The following ELAVL4 variants were observed in gnomAD, a reference collection of about 807,000 sequenced individuals.
The protein encoded by ELAVL4 is ELAV like RNA binding protein 4.
ELAVL4 carries 1 observed loss-of-function variant against 35.6 expected under a neutral mutation model. The observed-to-expected ratio is 0.03, with a 90% CI of 0.01 to 0.13. The LOEUF (loss-of-function observed/expected upper bound fraction) is 0.13. ELAVL4 is among the 10% of genes least tolerant of loss of function. ELAVL4 has a pLI of 1.00. For missense variants in ELAVL4, 267 were observed against 464.9 expected (o/e 0.57, Z 3.91); for synonymous variants, 156 against 171.0 (o/e 0.91, Z 0.69).
intron 3 of ELAVL4, among the ~76,000 whole-genome samples, chr1:50,183,362 T>A (rs1389617337): frequency 6.6e-6 from 1 of 151,974 alleles, no homozygotes; most frequent in East Asian, 1.9e-4. Flanking sequence ...TCTGAGCAAA[T>A]CTATGAGAGT....
chr1:50,148,470 T>G (rs1674139871), intron 2 of ELAVL4, among the ~76,000 whole-genome samples: 1 of 152,200 alleles, frequency 6.6e-6, no homozygotes, highest in Admixed American at 6.5e-5. Flanking sequence ...AGAACCAAAT[T>G]TACTGAAAAT....
At chr1:50,143,527 C>T (rs142267596) in intron 1 of ELAVL4, among the ~76,000 whole-genome samples, 5 of 152,244 alleles carry the variant, frequency 3.3e-5, no homozygotes, top group East Asian at 3.9e-4. Context: ...ATCACTGGAT[C>T]GGTTCTTACC....
At chr1:50,173,186 G>A (rs535672437) in intron 2 of ELAVL4, among the ~76,000 whole-genome samples, 2 of 152,186 alleles carry the variant, frequency 1.3e-5, no homozygotes, top group African/African-American at 2.4e-5. Context: ...ATGGGAAGAT[G>A]TGTTTTGTTT....
chr1:50,112,462 G>T (rs1667231153), intron 1 of ELAVL4, among the ~76,000 whole-genome samples: 2 of 152,062 alleles, frequency 1.3e-5, no homozygotes, highest in South Asian at 2.1e-4. Context: ...TCTTATGGAA[G>T]CACAAGGCTG....
intron 1 of ELAVL4, among the ~76,000 whole-genome samples, chr1:50,081,222 A>T (rs1418169618): frequency 6.6e-6 from 1 of 152,160 alleles, no homozygotes; most frequent in East Asian, 1.9e-4. Flanking sequence ...ATATGCATAT[A>T]ATTACATATT....
At chr1:50,116,898 C>T (rs1668049186) in intron 1 of ELAVL4, among the ~76,000 whole-genome samples, 1 of 152,092 alleles carries the variant, frequency 6.6e-6, no homozygotes, top group Non-Finnish European at 1.5e-5. Context: ...TCTGTTGATG[C>T]ACTGGGTACA....
At chr1:50,067,525 A>G (rs1330907135) in intron 1 of ELAVL4, among the ~76,000 whole-genome samples, 1 of 152,210 alleles carries the variant, frequency 6.6e-6, no homozygotes, top group African/African-American at 2.4e-5. Context: ...CCAAGTTGAA[A>G]GGGACAGATG....
At chr1:50,146,713 A>G (rs1043450074) in intron 2 of ELAVL4, among the ~76,000 whole-genome samples, 5 of 152,202 alleles carry the variant, frequency 3.3e-5, no homozygotes, top group African/African-American at 9.6e-5. Flanking sequence ...TAATAGGATG[A>G]TAATTCAAAC....
Position 50,182,970 on chromosome 1 carries a change from G to T in ELAVL4, c.354+5778G>T, listed in dbSNP as rs894993526. Among the ~76,000 whole-genome samples, 4 of 151,272 alleles carry T rather than the reference G, an allele frequency of 2.6e-5. No homozygotes were observed. In the East Asian group the frequency reaches 7.8e-4, roughly 30 times the overall value. On this transcript the variant is annotated intron_variant, in intron 3 of 6. Coordinates refer to ENST00000371824, the MANE Select transcript of ELAVL4 (RefSeq NM_001144774.3). ...CCTCCCGGGATCAAGCAATTCTCCT[G>T]CCTCAGCCTCCCGAGTAGCTGGGAT...
intron 1 of ELAVL4, among the ~76,000 whole-genome samples, chr1:50,143,875 T>C (rs1673241048): frequency 6.6e-6 from 1 of 152,170 alleles, no homozygotes; most frequent in Non-Finnish European, 1.5e-5. Context: ...GAGCTAGATT[T>C]TGTTCCCTTA....
In ELAVL4 at chr1:50,202,790, A is replaced by G. The variant is rs1443344522; in HGVS notation, c.*1612A>G. 1 of 152,196 alleles carries G rather than the reference A, an allele frequency of 6.6e-6. No individual in the cohort carries two copies. Among genetic ancestry groups the G allele is most frequent in the Non-Finnish European group, 1.5e-5 (1 of 68,030 alleles). The allele number at this position is 152,196 out of a possible 1,614,324, so 9.4% of individuals were successfully genotyped here. On this transcript the variant is annotated 3_prime_UTR_variant, in exon 7 of 7. Coordinates refer to ENST00000371824, the MANE Select transcript of ELAVL4 (RefSeq NM_001144774.3). ...TCTTATGATATTTAAGTGACAGTTAAAGAGGTATCAAGGTAACTTGTGTAG... is the reference window on the plus strand; with the variant it reads ...TCTTATGATATTTAAGTGACAGTTAGAGAGGTATCAAGGTAACTTGTGTAG...
chr1:50,144,410 A>G, intron 1 of ELAVL4: 1 of 332,228 alleles, frequency 3.0e-6, no homozygotes. Context: ...CCTAGAATGT[A>G]CCTGTAAAAT....
At chr1:50,062,945 T>C (rs1170957419) in intron 1 of ELAVL4, among the ~76,000 whole-genome samples, 1 of 152,190 alleles carries the variant, frequency 6.6e-6, no homozygotes, top group African/African-American at 2.4e-5. Context: ...AGTACTCTCA[T>C]GTGTCAGGCC....
chr1:50,095,440 T>C (rs1665681695), intron 1 of ELAVL4, among the ~76,000 whole-genome samples: 1 of 152,116 alleles, frequency 6.6e-6, no homozygotes. Context: ...AAAAAAAGGT[T>C]GAAAATAAAT....
intron 2 of ELAVL4, among the ~76,000 whole-genome samples, chr1:50,157,787 A>G (rs1271608767): frequency 1.3e-5 from 2 of 152,232 alleles, no homozygotes. Context: ...GCAGCCACAT[A>G]GGATCCTTGT....
upstream of ELAVL4, among the ~76,000 whole-genome samples, chr1:50,107,652 T>G (rs927079605): frequency 6.6e-6 from 1 of 152,210 alleles, no homozygotes; most frequent in Non-Finnish European, 1.5e-5. Flanking sequence ...AGTCAAAGAT[T>G]AAAGATTACA....
intron 3 of ELAVL4, among the ~76,000 whole-genome samples, chr1:50,186,654 T>G (rs978661820): frequency 6.6e-6 from 1 of 152,162 alleles, no homozygotes; most frequent in Non-Finnish European, 1.5e-5. Flanking sequence ...TCTGGACATA[T>G]TCAGAAAACT....
At chr1:50,143,719 G>T (rs1029732317) in intron 1 of ELAVL4, among the ~76,000 whole-genome samples, 1 of 152,222 alleles carries the variant, frequency 6.6e-6, no homozygotes, top group South Asian at 2.1e-4. Context: ...AATAGAGGAC[G>T]GTGTAAGACA....
chr1:50,089,622 G>C (rs965830859), intron 1 of ELAVL4, among the ~76,000 whole-genome samples: 6 of 152,150 alleles, frequency 3.9e-5, no homozygotes, highest in African/African-American at 1.4e-4. Context: ...AGGCATGGTG[G>C]CATGTGTCTG....
Sources: gnomAD v4.1 joint callset for allele counts (sites outside exome capture counted in the v4.1 genomes callset) on GRCh38, gnomAD v4.1.1 for gene constraint, MANE v1.5 for transcripts, NCBI Gene and HGNC (gene_info 2026-07-23, HGNC 2026-07-21) for gene names.